The following PIK3C2G variants were observed in gnomAD, a reference collection of about 807,000 sequenced individuals.
The protein encoded by PIK3C2G is phosphatidylinositol 3-kinase C2 domain-containing subunit gamma.
PIK3C2G carries 168 observed loss-of-function variants against 181.1 expected under a neutral mutation model. The observed-to-expected ratio is 0.93, with a 90% CI of 0.82 to 1.05. The LOEUF is 1.05. Among genes scored for constraint, PIK3C2G ranks in the 50% least tolerant of loss-of-function variants. The pLI is 0.00. For synonymous variants in PIK3C2G, 573 were observed against 592.2 expected, an observed-to-expected ratio of 0.97 and a Z score of 0.47; for missense variants, 1,869 against 1,732.8, an observed-to-expected ratio of 1.08 and a Z score of -1.40.
intron 11 of PIK3C2G, among the ~76,000 whole-genome samples, chr12:18,358,192 ATTTCT>A (rs1940917855): frequency 6.6e-6 from 1 of 152,140 alleles, no homozygotes; most frequent in Non-Finnish European, 1.5e-5. Flanking sequence ...CATATTTATT[ATTTCT>A]TTTCTTCTGC....
chr12:18,274,116 C>A (rs1591799325), intron 1 of PIK3C2G, among the ~76,000 whole-genome samples: 2 of 152,254 alleles, frequency 1.3e-5, no homozygotes, highest in African/African-American at 4.8e-5. Flanking sequence ...CCACCTCACA[C>A]CAGTTAGAAT....
At position 18,483,808 on chromosome 12, in the gene PIK3C2G, C is replaced by T. The variant is rs1042825832; in HGVS notation, c.2505-4641C>T. Among the ~76,000 whole-genome samples, 5 of 152,100 alleles carry T rather than the reference C, an allele frequency of 3.3e-5. No homozygotes were observed. In the East Asian group the frequency reaches 9.7e-4, roughly 30 times the overall value. On this transcript the variant is annotated intron_variant, in intron 18 of 32. Coordinates refer to ENST00000538779, the MANE Select transcript of PIK3C2G (RefSeq NM_001288772.2). ...GTTTTTACCATAGCAACAAATAGCC[C>T]CACAGTTTCAGTAGCTTATGGCAAC...
intron 1 of PIK3C2G, among the ~76,000 whole-genome samples, chr12:18,270,430 C>T (rs1948699915): frequency 6.6e-6 from 1 of 151,804 alleles, no homozygotes; most frequent in Admixed American, 6.6e-5. Flanking sequence ...TGCTGAAATT[C>T]TCCTTTAGTT....
the PIK3C2G span, among the ~76,000 whole-genome samples, chr12:18,661,232 T>C: frequency 6.6e-5 from 10 of 152,078 alleles, no homozygotes; most frequent in African/African-American, 1.9e-4. Flanking sequence ...AAGGGATTAT[T>C]TGAAGAAATA....
intron 31 of PIK3C2G, among the ~76,000 whole-genome samples, chr12:18,640,057 A>C: frequency 6.6e-6 from 1 of 152,042 alleles, no homozygotes; most frequent in South Asian, 2.1e-4. Context: ...AATTTTCAAA[A>C]GTGGTGTACC....
At chr12:18,665,429 T>A in the PIK3C2G span, among the ~76,000 whole-genome samples, 2 of 152,184 alleles carry the variant, frequency 1.3e-5, no homozygotes, top group East Asian at 1.9e-4. Context: ...TGAGAAACAG[T>A]CATTGGTAAT....
At chr12:18,537,177 T>C (rs1448821831) in intron 24 of PIK3C2G, among the ~76,000 whole-genome samples, 2 of 152,100 alleles carry the variant, frequency 1.3e-5, no homozygotes, top group Non-Finnish European at 2.9e-5. Context: ...CACTCCATTG[T>C]ATTTTTACTG....
At chr12:18,572,531 T>C (rs1285716221) in intron 29 of PIK3C2G, among the ~76,000 whole-genome samples, 1 of 151,494 alleles carries the variant, frequency 6.6e-6, no homozygotes, top group Admixed American at 6.6e-5. Context: ...GGTTTTGTTT[T>C]TTTGCACTTT....
chr12:18,602,388 A>G (rs1947778675), intron 30 of PIK3C2G, among the ~76,000 whole-genome samples: 1 of 151,298 alleles, frequency 6.6e-6, no homozygotes, highest in Non-Finnish European at 1.5e-5. Flanking sequence ...CAGCCCAAGG[A>G]GAGTCTGAGC....
At chr12:18,680,003 T>C in the PIK3C2G span, among the ~76,000 whole-genome samples, 4 of 152,132 alleles carry the variant, frequency 2.6e-5, no homozygotes, top group African/African-American at 7.2e-5. Context: ...TCCTATAGAA[T>C]GCTCAAATTT....
intron 24 of PIK3C2G, among the ~76,000 whole-genome samples, chr12:18,531,333 A>G (rs1943543847): frequency 6.6e-6 from 1 of 152,172 alleles, no homozygotes; most frequent in Non-Finnish European, 1.5e-5. Context: ...ATAATTGAAG[A>G]TTCATATGCA....
intron 31 of PIK3C2G, among the ~76,000 whole-genome samples, chr12:18,613,402 G>T (rs1292836224): frequency 6.6e-6 from 1 of 151,992 alleles, no homozygotes; most frequent in Non-Finnish European, 1.5e-5. Flanking sequence ...CAAAAGATGG[G>T]AAAAGTAGTT....
At chr12:18,581,733 A>G (rs775209298) in intron 29 of PIK3C2G, among the ~76,000 whole-genome samples, 47 of 152,218 alleles carry the variant, frequency 3.1e-4, no homozygotes, top group Non-Finnish European at 5.9e-5. Context: ...TTAGGGGGGA[A>G]GTTAGGCTGG....
At chr12:18,595,342 G>A (rs549387865) in intron 30 of PIK3C2G, among the ~76,000 whole-genome samples, 1 of 152,062 alleles carries the variant, frequency 6.6e-6, no homozygotes, top group African/African-American at 2.4e-5. Flanking sequence ...ATGATTACAG[G>A]GTGAAATCAT....
downstream of PIK3C2G, among the ~76,000 whole-genome samples, chr12:18,649,771 A>G (rs565577223): frequency 7.2e-5 from 11 of 152,310 alleles, no homozygotes; most frequent in African/African-American, 2.6e-4. Flanking sequence ...TATTGGATAC[A>G]ATGAGTAACT....
chr12:18,693,887 A>G, the PIK3C2G span: 88 of 1,530,584 alleles, frequency 5.7e-5, no homozygotes, highest in Middle Eastern at 3.7e-3. Context: ...TCACACAAGC[A>G]GGATGACGCT....
At chr12:18,273,041 G>A (rs375891165) in intron 1 of PIK3C2G, among the ~76,000 whole-genome samples, 4 of 129,158 alleles carry the variant, frequency 3.1e-5, no homozygotes, top group Admixed American at 7.9e-5. Flanking sequence ...CACACACAGA[G>A]ATAGAGAGAG....
At position 18,537,670 on chromosome 12, in the gene PIK3C2G, G is replaced by T. The variant is rs117246966; in HGVS notation, c.3324-486G>T. On this transcript the variant is annotated intron_variant, in intron 24 of 32. Transcript: ENST00000538779. ...CTTTTTTCTCCTTCACTAAGCATAT[G>T]CCAGTGAATTGGTAACATCTGCTTG... is the stretch of plus-strand genomic sequence containing the variant. 3.7e-3 allele frequency among the ~76,000 whole-genome samples: 570 copies of T among 152,012 alleles called. 3 individuals are homozygous for T. The highest frequency in any genetic ancestry group is 5.8e-3 in the South Asian group (28 of 4,814).
At chr12:18,566,377 G>A (rs762970110) in intron 28 of PIK3C2G, among the ~76,000 whole-genome samples, 1 of 152,140 alleles carries the variant, frequency 6.6e-6, no homozygotes, top group Non-Finnish European at 1.5e-5. Flanking sequence ...CCCATTACCA[G>A]TCATCCCACC....
Sources: gnomAD v4.1 joint callset for allele counts (sites outside exome capture counted in the v4.1 genomes callset) on GRCh38, gnomAD v4.1.1 for gene constraint, MANE v1.5 for transcripts, NCBI Gene and HGNC (gene_info 2026-07-23, HGNC 2026-07-21) for gene names.